The following DGKK variants were observed in gnomAD, a reference collection of about 807,000 sequenced individuals.
The protein encoded by DGKK is diacylglycerol kinase kappa, also known as 142 kDa diacylglycerol kinase.
DGKK carries 35 observed loss-of-function variants against 92.2 expected under a neutral mutation model. That is an observed-to-expected ratio of 0.38 (90% CI 0.29 to 0.50). DGKK has a LOEUF of 0.50. Ranked by LOEUF, DGKK falls within the 20% of genes least tolerant of loss-of-function variation. DGKK has a pLI of 0.92. For synonymous variants in DGKK, 368 were observed against 360.6 expected (o/e 1.02, Z -0.23); for missense variants, 910 against 992.2 (o/e 0.92, Z 1.11).
chrX:50,369,548 G>GCCTCCCTCCTTC (rs1168581803), intron 27 of DGKK, among the ~76,000 whole-genome samples: 2 of 85,910 alleles, frequency 2.3e-5, no homozygotes, highest in East Asian at 6.7e-4. Flanking sequence ...CCCCCTCCCT[G>GCCTCCCTCCTTC]CCTCCCTCCT....
intron 15 of DGKK, 103 bp from the exon 16 acceptor site, chrX:50,384,927 T>C (rs782227957): frequency 1.7e-6 from 1 of 572,135 alleles, no homozygotes; most frequent in South Asian, 3.1e-5. Flanking sequence ...TTAATTACAC[T>C]TATTGAACAT....
rs529907071 is a variant in DGKK at position 50,391,547 on chromosome X, G to A, written c.1734C>T (p.Thr578=). ...KCQLAVIPLG[T]GNDLARVLGW... ...CCAGAACACGAGCCAGATCATTGCCGGTTCCAAGTGGGATGACTGCCAACT... is the reference window on the plus strand; with the variant it reads ...CCAGAACACGAGCCAGATCATTGCCAGTTCCAAGTGGGATGACTGCCAACT... The change falls in exon 11 of 28, where the codon ACC becomes ACT. Residue 578 remains threonine (T), a synonymous_variant. Transcript: ENST00000611977. 201 of 1,209,432 alleles carry A rather than the reference G, an allele frequency of 1.7e-4. 1 individual carries two copies. The South Asian group carries it at 3.0e-3, about 18-fold the overall frequency.
intron 18 of DGKK, among the ~76,000 whole-genome samples, chrX:50,382,098 C>T (rs996751970): frequency 3.6e-5 from 4 of 112,183 alleles, no homozygotes; most frequent in African/African-American, 1.3e-4. Context: ...ACACCAAAAA[C>T]AAATAGAGGG....
intron 1 of DGKK, among the ~76,000 whole-genome samples, chrX:50,427,703 T>G (rs1353669850): frequency 9.2e-6 from 1 of 108,696 alleles, no homozygotes; most frequent in Non-Finnish European, 1.9e-5. Context: ...GGTACATTCT[T>G]TACTTTCCAA....
At chrX:50,379,125 A>G (rs1415821437) in intron 20 of DGKK, among the ~76,000 whole-genome samples, 1 of 111,508 alleles carries the variant, frequency 9.0e-6, no homozygotes, top group East Asian at 2.8e-4. Context: ...AAGGTCAACA[A>G]GCCTGGTCAA....
intron 4 of DGKK, among the ~76,000 whole-genome samples, chrX:50,411,437 A>G (rs1279945472): frequency 8.9e-6 from 1 of 112,494 alleles, no homozygotes; most frequent in Non-Finnish European, 1.9e-5. Context: ...GTGATTCACC[A>G]TATCAACAAA....
chrX:50,439,111 C>T (rs922872433), intron 1 of DGKK, among the ~76,000 whole-genome samples: 2 of 111,661 alleles, frequency 1.8e-5, no homozygotes, highest in Admixed American at 1.9e-4. Flanking sequence ...TTGGGGAAAA[C>T]ACATCTGGAG....
At chrX:50,464,480 G>A (rs931421432) in intron 1 of DGKK, among the ~76,000 whole-genome samples, 2 of 109,783 alleles carry the variant, frequency 1.8e-5, no homozygotes, top group Admixed American at 1.9e-4. Context: ...TAAAATGTGT[G>A]TATCTAGAGG....
intron 14 of DGKK, among the ~76,000 whole-genome samples, chrX:50,387,338 T>G (rs1401927617): frequency 9.0e-6 from 1 of 111,616 alleles, no homozygotes; most frequent in East Asian, 2.8e-4. Context: ...ATGCTTGGCA[T>G]GTACATGGTA....
intron 7 of DGKK, among the ~76,000 whole-genome samples, chrX:50,402,460 G>A (rs150847547): frequency 9.0e-6 from 1 of 111,434 alleles, no homozygotes; most frequent in Non-Finnish European, 1.9e-5. Flanking sequence ...CATAGTCTTT[G>A]CAGAATTATG....
At chrX:50,442,948 T>C (rs1926203022) in intron 1 of DGKK, among the ~76,000 whole-genome samples, 1 of 111,530 alleles carries the variant, frequency 9.0e-6, no homozygotes, top group Admixed American at 9.5e-5. Context: ...AGTTCCTTGC[T>C]ACATGGGCTT....
rs782703577 is a variant in DGKK at position 50,411,069 on chromosome X, G to T, written c.943-6885C>A. On this transcript the variant is annotated intron_variant, in intron 4 of 27. Transcript: ENST00000611977. Reference sequence around the variant, plus strand: ...GAAACATGGTCCACGGGTCTTCCAGGCTTGAATCCCTAGCTAGCTTCTTCA... The same window carrying T: ...GAAACATGGTCCACGGGTCTTCCAGTCTTGAATCCCTAGCTAGCTTCTTCA... Among the ~76,000 whole-genome samples, 5 of 111,229 alleles carry T rather than the reference G, an allele frequency of 4.5e-5. No homozygotes were observed. In the East Asian group the frequency reaches 1.4e-3, roughly 32 times the overall value.
intron 4 of DGKK, among the ~76,000 whole-genome samples, chrX:50,415,590 T>C (rs1212516428): frequency 4.5e-5 from 5 of 112,097 alleles, no homozygotes. Flanking sequence ...CAAAAAGCTG[T>C]GAGTCCACCA....
At chrX:50,372,622 G>T (rs1409167258) in intron 25 of DGKK, among the ~76,000 whole-genome samples, 1 of 111,725 alleles carries the variant, frequency 9.0e-6, no homozygotes, top group Non-Finnish European at 1.9e-5. Flanking sequence ...ACAGGTTCAG[G>T]AAGCAAATTT....
At chrX:50,448,128 A>G (rs1926411603) in intron 1 of DGKK, among the ~76,000 whole-genome samples, 1 of 111,435 alleles carries the variant, frequency 9.0e-6, no homozygotes, top group Admixed American at 9.5e-5. Flanking sequence ...GGCATCTGGC[A>G]GAGGTTACAT....
Position 50,368,930 on chromosome X carries a change from C to T in DGKK, c.*10G>A. ...TTCTCAATGTTGTGAGTTCTTCCAG[C>T]TTTCAAGGGCTACAGTTGAGATCTC... On this transcript the variant is annotated 3_prime_UTR_variant, in exon 28 of 28. Coordinates refer to ENST00000611977, the MANE Select transcript of DGKK (RefSeq NM_001013742.4). 8.3e-7 allele frequency: 1 copy of T among 1,199,550 alleles called. No individual in the cohort carries two copies. Among genetic ancestry groups the T allele is most frequent in the Non-Finnish European group, 1.1e-6 (1 of 888,262 alleles).
chrX:50,470,669 C>T lies in DGKK; in HGVS notation c.10G>A (p.Gly4Arg), dbSNP rs889474354. ...GCAGTGCCCTGGGCTGCGGCAGCTC[C>T]GCGGTCCATGGCCGCACACCGCTTC... MDR[G>R]AAAAQGTAPP... The change falls in exon 1 of 28, where the codon GGA (glycine) becomes AGA (arginine). Residue 4 changes from glycine (G) to arginine (R), a missense_variant. Coordinates refer to ENST00000611977, the MANE Select transcript of DGKK (RefSeq NM_001013742.4). The T allele has an allele frequency of 9.9e-6, 11 of 1,110,908 alleles. No individual in the cohort carries two copies. In the African/African-American group the frequency reaches 1.3e-4, roughly 13 times the overall value. The allele number at this position is 1,110,908 out of a possible 1,213,427, so 91.6% of individuals were successfully genotyped here. A position where few individuals can be genotyped will look rare whatever the true frequency, so the allele number is the denominator to read the frequency against.
intron 14 of DGKK, among the ~76,000 whole-genome samples, chrX:50,387,025 C>T (rs1200883122): frequency 1.8e-5 from 2 of 111,170 alleles, no homozygotes; most frequent in Non-Finnish European, 3.8e-5. Flanking sequence ...ACATCTGCTG[C>T]ATGATTTAAG....
chrX:50,447,395 TTATATATA>T (rs1397221836), intron 1 of DGKK, among the ~76,000 whole-genome samples: 1 of 16,124 alleles, frequency 6.2e-5, no homozygotes, highest in African/African-American at 6.2e-4. Flanking sequence ...TATATATATA[TTATATATA>T]TATATAATAT....
Sources: gnomAD v4.1 joint callset for allele counts (sites outside exome capture counted in the v4.1 genomes callset) on GRCh38, gnomAD v4.1.1 for gene constraint, MANE v1.5 for transcripts, NCBI Gene and HGNC (gene_info 2026-07-23, HGNC 2026-07-21) for gene names.